LRMDA: variants seen among roughly 807,000 people sequenced by gnomAD.
The protein encoded by LRMDA is leucine rich melanocyte differentiation associated, also known as leucine-rich melanocyte differentiation-associated protein.
LRMDA carries 18 observed loss-of-function variants against 29.8 expected under a neutral mutation model. That is an observed-to-expected ratio of 0.60 (90% CI 0.42 to 0.90). The LOEUF is 0.90. LRMDA is among the 40% of genes least tolerant of loss of function. The pLI, the probability that LRMDA is intolerant of heterozygous loss-of-function variation, is 0.00. For missense variants in LRMDA, 273 were observed against 273.9 expected, an observed-to-expected ratio of 1.00 and a Z score of 0.02; for synonymous variants, 125 against 109.4, an observed-to-expected ratio of 1.14 and a Z score of -0.89.
chr10:76,430,014 T>C lies in LRMDA; in HGVS notation c.601+105529T>C, dbSNP rs111518132. Among the ~76,000 whole-genome samples the C allele has an allele frequency of 7.5e-3, 1,144 of 152,370 alleles. 11 individuals are homozygous for C. Among genetic ancestry groups the C allele is most frequent in the African/African-American group, 0.026 (1,086 of 41,586 alleles). On this transcript the variant is annotated intron_variant, in intron 6 of 6. Coordinates refer to ENST00000611255, the MANE Select transcript of LRMDA (RefSeq NM_001305581.2). ...TTGGAACATTTATATTTCCATACTT[T>C]ATAAAAGCAAACATGCTGTTTCTCT...
intron 2 of LRMDA, among the ~76,000 whole-genome samples, chr10:75,596,542 AT>A (rs775484607): frequency 0.02 from 3,065 of 150,100 alleles, 38 homozygotes; most frequent in Non-Finnish European, 0.033. Flanking sequence ...GTCTACTGAG[AT>A]TTTTTTTTTT....
intron 6 of LRMDA, among the ~76,000 whole-genome samples, chr10:76,412,295 C>A (rs1289478204): frequency 6.6e-6 from 1 of 152,122 alleles, no homozygotes; most frequent in Non-Finnish European, 1.5e-5. Flanking sequence ...GTATTTTCTC[C>A]TGCTTCTACA....
chr10:75,849,580 A>G (rs1844696867), intron 2 of LRMDA, among the ~76,000 whole-genome samples: 1 of 152,102 alleles, frequency 6.6e-6, no homozygotes, highest in South Asian at 2.1e-4. Flanking sequence ...AGGGAGGGAA[A>G]CAACATACAC....
chr10:75,570,103 A>G (rs1840420142), intron 2 of LRMDA, among the ~76,000 whole-genome samples: 1 of 152,234 alleles, frequency 6.6e-6, no homozygotes. Flanking sequence ...CTGGAACACC[A>G]ATGAGGAAAG....
At chr10:75,887,388 A>G (rs1166416103) in intron 2 of LRMDA, among the ~76,000 whole-genome samples, 1 of 152,108 alleles carries the variant, frequency 6.6e-6, no homozygotes, top group African/African-American at 2.4e-5. Flanking sequence ...ATAGGAGAAA[A>G]TGAGACTCTT....
chr10:76,137,984 G>A (rs1403023553), intron 5 of LRMDA, among the ~76,000 whole-genome samples: 1 of 152,092 alleles, frequency 6.6e-6, no homozygotes, highest in Non-Finnish European at 1.5e-5. Flanking sequence ...GAATGTTTTA[G>A]GAAGATTATA....
At chr10:75,723,423 G>A (rs1218971445) in intron 2 of LRMDA, among the ~76,000 whole-genome samples, 2 of 152,232 alleles carry the variant, frequency 1.3e-5, no homozygotes, top group African/African-American at 2.4e-5. Context: ...TCACTATGAC[G>A]TTGAAAGACA....
chr10:75,567,058 A>G (rs1193926026), intron 2 of LRMDA, among the ~76,000 whole-genome samples: 2 of 151,370 alleles, frequency 1.3e-5, no homozygotes, highest in Admixed American at 6.6e-5. Flanking sequence ...AGTTACTTCA[A>G]CCTCTTTCCT....
rs766525202 is a variant in LRMDA, at chr10:75,598,237, A to C, written c.131+159743A>C. Among the ~76,000 whole-genome samples the C allele has an allele frequency of 4.7e-4, 71 of 152,214 alleles. 1 individual carries two copies. The highest frequency in any genetic ancestry group is 4.1e-4 in the South Asian group (2 of 4,832). ...TTTCTGGCCTGGCTGGTTTCAACCA[A>C]GGGACCTGCTGCTTCACTGATGAGT... On this transcript the variant is annotated intron_variant, in intron 2 of 6. Coordinates refer to ENST00000611255, the MANE Select transcript of LRMDA (RefSeq NM_001305581.2).
At chr10:76,056,960 A>G (rs1351796771) in intron 4 of LRMDA, among the ~76,000 whole-genome samples, 1 of 152,168 alleles carries the variant, frequency 6.6e-6, no homozygotes, top group Non-Finnish European at 1.5e-5. Context: ...TATTTGCAGC[A>G]ATTGCTCCAG....
chr10:75,640,722 G>T (rs1841441764), intron 2 of LRMDA, among the ~76,000 whole-genome samples: 1 of 152,176 alleles, frequency 6.6e-6, no homozygotes, highest in Non-Finnish European at 1.5e-5. Context: ...GGAGAGCAGA[G>T]CTATAGGCTC....
intron 6 of LRMDA, among the ~76,000 whole-genome samples, chr10:76,350,914 T>C (rs1841168915): frequency 6.6e-6 from 1 of 152,188 alleles, no homozygotes; most frequent in East Asian, 1.9e-4. Flanking sequence ...TTTCCCCTTG[T>C]TGCTGAAGTA....
chr10:76,043,130 A>G (rs1400262638), intron 3 of LRMDA, among the ~76,000 whole-genome samples: 1 of 152,148 alleles, frequency 6.6e-6, no homozygotes, highest in Non-Finnish European at 1.5e-5. Flanking sequence ...TCAAAAAAAA[A>G]GATTTCAGGA....
At chr10:76,183,692 A>G (rs982258765) in intron 5 of LRMDA, among the ~76,000 whole-genome samples, 1 of 152,242 alleles carries the variant, frequency 6.6e-6, no homozygotes, top group Non-Finnish European at 1.5e-5. Flanking sequence ...TTTCATTTGA[A>G]TAAGGAATCA....
chr10:75,816,944 G>A (rs995494615), intron 2 of LRMDA, among the ~76,000 whole-genome samples: 8 of 152,186 alleles, frequency 5.3e-5, no homozygotes, highest in African/African-American at 1.4e-4. Context: ...TAGTACCTGA[G>A]CTTATGGATC....
chr10:75,836,425 T>C (rs1414632015), intron 2 of LRMDA, among the ~76,000 whole-genome samples: 1 of 152,198 alleles, frequency 6.6e-6, no homozygotes. Context: ...TATTTAGTTT[T>C]TCAGCTTGTC....
chr10:76,017,968 T>C (rs139197081), intron 2 of LRMDA, among the ~76,000 whole-genome samples: 1 of 152,282 alleles, frequency 6.6e-6, no homozygotes, highest in Non-Finnish European at 1.5e-5. Context: ...TCCCATGAAA[T>C]TGAGAAAGTT....
At chr10:75,822,395 C>T (rs1844177390) in intron 2 of LRMDA, among the ~76,000 whole-genome samples, 2 of 152,024 alleles carry the variant, frequency 1.3e-5, no homozygotes, top group African/African-American at 4.8e-5. Flanking sequence ...CTGCCCAAAG[C>T]AATCTATAGA....
At chr10:76,234,262 C>CT (rs576508917) in intron 5 of LRMDA, among the ~76,000 whole-genome samples, 2 of 152,042 alleles carry the variant, frequency 1.3e-5, no homozygotes, top group South Asian at 2.1e-4. Flanking sequence ...TGAAAGAAAT[C>CT]TTTTTTTTCT....
Sources: allele counts gnomAD v4.1 joint callset (sites outside exome capture counted in the v4.1 genomes callset), GRCh38; gene constraint gnomAD v4.1.1; transcripts MANE v1.5; gene names NCBI Gene and HGNC (gene_info 2026-07-23, HGNC 2026-07-21).